Variants in SLC5A10 observed in about 807,000 individuals in gnomAD.
SLC5A10 encodes solute carrier family 5 member 10, also known as sodium/mannose cotransporter SLC5A10.
In SLC5A10, 55 loss-of-function variants were observed where a neutral mutation model predicts 68.9. That is an observed-to-expected ratio of 0.80 (90% CI 0.64 to 1.00). The LOEUF is 1.00. Ranked by LOEUF, SLC5A10 falls within the 50% of genes least tolerant of loss-of-function variation. The pLI, the probability that SLC5A10 is intolerant of heterozygous loss-of-function variation, is 0.00. For missense variants in SLC5A10, 732 were observed against 819.3 expected (o/e 0.89, Z 1.30); for synonymous variants, 344 against 344.8 (o/e 1.00, Z 0.02).
At chr17:18,978,825 C>G (rs777843624) in intron 9 of SLC5A10, 1 of 1,612,622 alleles carries the variant, frequency 6.2e-7, no homozygotes, top group South Asian at 1.1e-5. Context: ...ACATTCCGGT[C>G]CGTCCGCGCG....
chr17:18,998,882 C>T (rs542208093), intron 9 of SLC5A10, among the ~76,000 whole-genome samples: 94 of 152,326 alleles, frequency 6.2e-4, no homozygotes, highest in Admixed American at 9.8e-4. Context: ...AATGAGTGGC[C>T]TTCCTCCTGG....
At chr17:18,965,151 G>A (rs1978126) in intron 5 of SLC5A10, among the ~76,000 whole-genome samples, 1 of 152,102 alleles carries the variant, frequency 6.6e-6, no homozygotes. Flanking sequence ...AAATGCAGGA[G>A]GGACCAGTGA....
chr17:18,961,103 G>A (rs932331636), intron 5 of SLC5A10, among the ~76,000 whole-genome samples: 2 of 152,210 alleles, frequency 1.3e-5, no homozygotes, highest in African/African-American at 4.8e-5. Context: ...ATCCTTGGGG[G>A]CCTGGCCCTG....
chr17:18,961,975 G>C (rs2042621921), intron 5 of SLC5A10, among the ~76,000 whole-genome samples: 1 of 152,212 alleles, frequency 6.6e-6, no homozygotes, highest in African/African-American at 2.4e-5. Context: ...TAGGAGGTTT[G>C]CTTTCTCTGG....
intron 9 of SLC5A10, among the ~76,000 whole-genome samples, chr17:19,012,335 G>A (rs955685809): frequency 1.3e-5 from 2 of 152,242 alleles, no homozygotes; most frequent in East Asian, 3.9e-4. Flanking sequence ...GCCGAGGGAT[G>A]CCTGGATTTA....
intron 9 of SLC5A10, among the ~76,000 whole-genome samples, chr17:19,010,032 G>A (rs1050991634): frequency 2.6e-5 from 4 of 152,166 alleles, no homozygotes; most frequent in Middle Eastern, 3.4e-3. Context: ...ATTAGTCAAG[G>A]AGAGGGTGGC....
chr17:19,015,167 C>G lies in SLC5A10; in HGVS notation c.1209C>G (p.Arg403=). ...ACATCTGGAGGCGGCTGCGTCCCCG[C>G]TCCGGCGAGCGGGAGCTCCTGCTGG... is the stretch of plus-strand genomic sequence containing the variant. The part of the protein sequence containing the change: ...TMDIWRRLRP[R]SGERELLLVG... Residue 403 remains arginine (R), a synonymous_variant, in exon 11 of 15, where the codon CGC becomes CGG. Transcript: ENST00000395645. The G allele has an allele frequency of 6.4e-7, 1 of 1,552,882 alleles. No homozygotes were observed. Among genetic ancestry groups the G allele is most frequent in the Non-Finnish European group, 8.8e-7 (1 of 1,135,050 alleles).
chr17:18,971,517 C>T lies in SLC5A10; in HGVS notation c.846+299C>T, dbSNP rs145815436. 1.1e-4 allele frequency: 172 copies of T among 1,613,990 alleles called. No homozygotes were observed. Among genetic ancestry groups the T allele is most frequent in the Non-Finnish European group, 1.4e-4 (163 of 1,180,012 alleles). On this transcript the variant is annotated intron_variant, in intron 8 of 14. Transcript: ENST00000395645. The surrounding 1 kb of genome is among the most constrained non-coding windows in gnomAD (Gnocchi z 5.5). The stretch of plus-strand genomic sequence containing the variant: ...GGATGCTCCTCGGTGGCCCTGCCAT[C>T]GGTCATGGGGCGGGCATTTTGGGCC...
Position 19,019,937 on chromosome 17 carries a change from G to GCCCTGACCCCTGA in SLC5A10, c.1626+21_1626+33dup, listed in dbSNP as rs1185767514. ...CCCCACAGAGTGTCCAGGTGAGCCAGCCCTGACCCCTGACCCTGACCCCTA... is the reference window on the plus strand; with the variant it reads ...CCCCACAGAGTGTCCAGGTGAGCCAGCCCTGACCCCTGACCCTGACCCCTGACCCTGACCCCTA... On this transcript the variant is annotated intron_variant, in intron 13 of 14. Coordinates refer to ENST00000395645, the MANE Select transcript of SLC5A10 (RefSeq NM_001042450.4). 1.3e-6 allele frequency: 2 copies of GCCCTGACCCCTGA among 1,596,116 alleles called. No homozygotes were observed. Among genetic ancestry groups the GCCCTGACCCCTGA allele is most frequent in the African/African-American group, 2.7e-5 (2 of 74,412 alleles).
chr17:18,988,235 G>A (rs1331726967), intron 9 of SLC5A10: 13 of 1,603,652 alleles, frequency 8.1e-6, no homozygotes, highest in Non-Finnish European at 1.1e-5. Context: ...GGCAAGTGAG[G>A]AGCCTGCTCA....
chr17:18,979,629 C>A (rs1414543380), intron 9 of SLC5A10: 11 of 1,613,562 alleles, frequency 6.8e-6, no homozygotes, highest in Non-Finnish European at 9.3e-6. Flanking sequence ...TGGTTGCCGA[C>A]CGCGTGAAGA....
intron 9 of SLC5A10, chr17:18,978,342 T>C: frequency 6.2e-7 from 1 of 1,603,778 alleles, no homozygotes; most frequent in Non-Finnish European, 8.5e-7. Flanking sequence ...TTCATCTGGC[T>C]GGGCTGGGGG....
In SLC5A10 at chr17:19,013,478, A is replaced by T. The variant is rs372752321; in HGVS notation, c.1051A>T (p.Ile351Phe). The change falls in exon 10 of 15, where the codon ATC (isoleucine) becomes TTC (phenylalanine). Residue 351 changes from isoleucine to phenylalanine, a missense_variant. Coordinates refer to ENST00000395645, the MANE Select transcript of SLC5A10 (RefSeq NM_001042450.4). ...ACGAEVGCSNIAYPKLVMELM... is the reference protein window; with the variant it reads ...ACGAEVGCSNFAYPKLVMELM... ...CGGGGCCGAGGTCGGCTGCTCCAAC[A>T]TCGCCTACCCCAAGCTGGTCATGGA... 2 of 1,585,782 alleles carry T rather than the reference A, an allele frequency of 1.3e-6. No individual in the cohort carries two copies. The highest frequency in any genetic ancestry group is 2.2e-5 in the South Asian group (2 of 89,512).
intron 5 of SLC5A10, among the ~76,000 whole-genome samples, chr17:18,962,449 G>A (rs2042629741): frequency 1.3e-5 from 2 of 152,264 alleles, no homozygotes; most frequent in Admixed American, 6.5e-5. Context: ...AGAGAAGCTG[G>A]GAGTGAGTAA....
rs1431179993 is a variant in SLC5A10, at chr17:18,958,686, CTT to C, written c.117_118del (p.Cys40SerfsTer4). 1.9e-6 allele frequency: 3 copies of C among 1,614,208 alleles called. No individual in the cohort carries two copies. The highest frequency in any genetic ancestry group is 3.3e-5 in the Admixed American group (2 of 60,032). ...GTCCCTTTTCTCCTCTTGCAGTCCTCTTGTCGGGCCAGTAGGAACACGGTGAA... is the reference window on the plus strand; with the variant it reads ...GTCCCTTTTCTCCTCTTGCAGTCCTCGTCGGGCCAGTAGGAACACGGTGAA... On this transcript the variant is annotated frameshift_variant, in exon 2 of 15. Transcript: ENST00000395645. LOFTEE classifies it high-confidence loss of function.
chr17:19,010,519 C>CT (rs2043991345), intron 9 of SLC5A10, among the ~76,000 whole-genome samples: 1 of 152,176 alleles, frequency 6.6e-6, no homozygotes, highest in African/African-American at 2.4e-5. Context: ...TGCCACGGTT[C>CT]TCATAAAGAA....
intron 9 of SLC5A10, among the ~76,000 whole-genome samples, chr17:19,013,173 C>T (rs2044052954): frequency 6.6e-6 from 1 of 152,132 alleles, no homozygotes; most frequent in Non-Finnish European, 1.5e-5. Context: ...AGCCCCCTGG[C>T]CAAGAAGTAG....
chr17:18,958,874 G>A (rs1272660251), intron 2 of SLC5A10, 121 bp downstream of exon 2: 2 of 1,182,666 alleles, frequency 1.7e-6, no homozygotes, highest in African/African-American at 3.0e-5. Flanking sequence ...GCCGGAGGCT[G>A]GCAGGAGGTC....
chr17:18,978,648 C>T (rs375487977), intron 9 of SLC5A10: 3 of 1,612,958 alleles, frequency 1.9e-6, no homozygotes, highest in Non-Finnish European at 2.5e-6. Context: ...TTCTTGGCCA[C>T]AGTGCCCGCG....
Sources: gnomAD v4.1 joint callset for allele counts (sites outside exome capture counted in the v4.1 genomes callset) on GRCh38, gnomAD v4.1.1 for gene constraint, Gnocchi (gnomAD v3.1) non-coding constraint, MANE v1.5 for transcripts, NCBI Gene and HGNC (gene_info 2026-07-23, HGNC 2026-07-21) for gene names.